LRRK1: variants seen among roughly 807,000 people sequenced by gnomAD.
The protein encoded by LRRK1 is leucine rich repeat kinase 1, also known as leucine-rich repeat serine/threonine-protein kinase 1.
A neutral mutation model predicts 209.1 loss-of-function variants in LRRK1; 113 were observed. That is an observed-to-expected ratio of 0.54 (90% CI 0.46 to 0.63). The LOEUF is 0.63. Among genes scored for constraint, LRRK1 ranks in the 30% least tolerant of loss-of-function variants. LRRK1 has a pLI of 0.00. For missense variants in LRRK1, 2,284 were observed against 2,632.2 expected, an observed-to-expected ratio of 0.87 and a Z score of 2.89; for synonymous variants, 1,144 against 1,099.7, an observed-to-expected ratio of 1.04 and a Z score of -0.80.
At chr15:100,940,914 T>A (rs1046906727) in intron 2 of LRRK1, among the ~76,000 whole-genome samples, 3 of 152,248 alleles carry the variant, frequency 2.0e-5, no homozygotes, top group Non-Finnish European at 4.4e-5. Context: ...TGCAGCAAGA[T>A]GTGCAGGCCC....
Position 101,049,738 on chromosome 15 carries a change from T to C in LRRK1, c.3394T>C (p.Phe1132Leu). 1 of 1,614,048 alleles carries C rather than the reference T, an allele frequency of 6.2e-7. No homozygotes were observed. Among genetic ancestry groups the C allele is most frequent in the African/African-American group, 1.3e-5 (1 of 75,030 alleles). The part of the protein sequence containing the change: ...SEVRDFSAMA[F>L]ITDHVNSLID... ...AGTGAGGGACTTCTCAGCCATGGCT[T>C]TCATCACGGACCACGTCAATTCCTT... The change falls in exon 23 of 34, where the codon TTC (phenylalanine) becomes CTC (leucine). Residue 1132 changes from phenylalanine to leucine, a missense_variant. By Grantham distance (22) the Phe-to-Leu change is conservative. Coordinates refer to ENST00000388948, the MANE Select transcript of LRRK1 (RefSeq NM_024652.6).
At position 101,069,797 on chromosome 15, in the gene LRRK1, A is replaced by T. The variant is rs1044096005; in HGVS notation, c.*949A>T. The T allele has an allele frequency of 6.6e-6, 1 of 152,650 alleles. No homozygotes were observed. Among genetic ancestry groups the T allele is most frequent in the Non-Finnish European group, 1.5e-5 (1 of 68,054 alleles). The allele number at this position is 152,650 out of a possible 1,614,324, so 9.5% of individuals were successfully genotyped here. The stretch of plus-strand genomic sequence containing the variant: ...TGCTAAACATTCACTGCACACGTGT[A>T]CAGCGGAGTACGAAAAGGAACGTTG... On this transcript the variant is annotated 3_prime_UTR_variant, in exon 34 of 34. Coordinates refer to ENST00000388948, the MANE Select transcript of LRRK1 (RefSeq NM_024652.6).
chr15:100,973,633 G>C (rs753289792), intron 2 of LRRK1, among the ~76,000 whole-genome samples, 171 bp from the exon 3 acceptor site: 3 of 152,182 alleles, frequency 2.0e-5, no homozygotes, highest in Non-Finnish European at 2.9e-5. Flanking sequence ...TTGGGTTGCG[G>C]GTCGCGGGGC....
intron 2 of LRRK1, among the ~76,000 whole-genome samples, chr15:100,956,455 C>CTTTTTCTTTTCTT: frequency 0.013 from 811 of 60,462 alleles, 7 homozygotes; most frequent in East Asian, 0.028. Flanking sequence ...TTTTTTTTTT[C>CTTTTTCTTTTCTT]TTTTTTTTTT....
chr15:101,048,411 C>A, intron 21 of LRRK1, 83 bp from the exon 22 acceptor site: 2 of 1,270,280 alleles, frequency 1.6e-6, no homozygotes, highest in Non-Finnish European at 2.2e-6. Flanking sequence ...CAAGATGGGG[C>A]CCAGCCCGGC....
chr15:101,034,306 G>C (rs774755617), intron 20 of LRRK1, among the ~76,000 whole-genome samples: 28 of 152,028 alleles, frequency 1.8e-4, no homozygotes, highest in Admixed American at 3.3e-4. Flanking sequence ...GTGTTTTCGA[G>C]GTCTTAGCCA....
rs2035708770 is a variant in LRRK1 at position 101,054,963 on chromosome 15, C to T, written c.4072C>T (p.Leu1358=). ...TTTGCAAGATTCTTCCTTTATACCCCTGGGACACATGCTCACCCAAAAAAT... is the reference window on the plus strand; with the variant it reads ...TTTGCAAGATTCTTCCTTTATACCCTTGGGACACATGCTCACCCAAAAAAT... ...ENARDSSFIP[L]GHMLTQKIAY... The change falls in exon 27 of 34, where the codon CTG becomes TTG. Residue 1358 remains leucine, a synonymous_variant. Coordinates refer to ENST00000388948, the MANE Select transcript of LRRK1 (RefSeq NM_024652.6). 6.2e-7 allele frequency: 1 copy of T among 1,611,802 alleles called. No individual in the cohort carries two copies. Among genetic ancestry groups the T allele is most frequent in the South Asian group, 1.1e-5 (1 of 90,776 alleles).
chr15:100,999,436 C>A (rs1156871433), intron 6 of LRRK1, among the ~76,000 whole-genome samples: 2 of 152,170 alleles, frequency 1.3e-5, no homozygotes, highest in East Asian at 3.9e-4. Flanking sequence ...TACTGTCACG[C>A]CCTTGTCTTT....
intron 10 of LRRK1, among the ~76,000 whole-genome samples, chr15:101,013,304 A>C (rs1355432894): frequency 6.6e-6 from 1 of 152,170 alleles, no homozygotes; most frequent in Non-Finnish European, 1.5e-5. Context: ...AAGCACCAGG[A>C]GGAGAGAATT....
At chr15:100,979,468 A>G (rs1260817693) in intron 3 of LRRK1, among the ~76,000 whole-genome samples, 2 of 152,212 alleles carry the variant, frequency 1.3e-5, no homozygotes, top group Non-Finnish European at 2.9e-5. Context: ...AATGAAATAA[A>G]AGGCACACAG....
chr15:101,058,131 G>A lies in LRRK1; in HGVS notation c.4669G>A (p.Glu1557Lys). 4.3e-6 allele frequency: 7 copies of A among 1,614,144 alleles called. No individual in the cohort carries two copies. The South Asian group carries it at 7.7e-5, about 18-fold the overall frequency. The change falls in exon 29 of 34, where the codon GAG (glutamate) becomes AAG (lysine). Residue 1557 changes from glutamate (E) to lysine (K), a missense_variant. This residue lies in a region of LRRK1 where 643 missense variants were observed against 695.9 expected (regional missense o/e 0.92). Transcript: ENST00000388948. ...CACCGTGGTGTTTTGGGATGGAAAA[G>A]AGGAGTCCAGGTAAGCTCCTGCGGG... ...EYTVVFWDGKEESRNYTVVNT... is the reference protein window; with the variant it reads ...EYTVVFWDGKKESRNYTVVNT...
chr15:101,025,995 G>A lies in LRRK1; in HGVS notation c.2263G>A (p.Val755Ile). The A allele has an allele frequency of 6.2e-7, 1 of 1,614,240 alleles. No homozygotes were observed. The highest frequency in any genetic ancestry group is 1.3e-5 in the African/African-American group (1 of 75,076). Reference protein sequence around the residue: ...AKAPNAVVLVVGTHLDLIEAK... With the variant: ...AKAPNAVVLVIGTHLDLIEAK... ...GGCCCCAAACGCCGTGGTGCTGGTG[G>A]TCGGGACGCACCTGGATTTAATTGA... Residue 755 changes from valine to isoleucine, a missense_variant, in exon 17 of 34, where the codon GTC becomes ATC. Coordinates refer to ENST00000388948, the MANE Select transcript of LRRK1 (RefSeq NM_024652.6).
At chr15:100,948,117 C>T (rs1444360264) in intron 2 of LRRK1, among the ~76,000 whole-genome samples, 1 of 152,188 alleles carries the variant, frequency 6.6e-6, no homozygotes, top group Admixed American at 6.5e-5. Context: ...AATCTTAAAC[C>T]TCGTTCTCTC....
At chr15:100,993,855 A>G (rs1486227487) in intron 6 of LRRK1, among the ~76,000 whole-genome samples, 1 of 152,112 alleles carries the variant, frequency 6.6e-6, no homozygotes, top group Non-Finnish European at 1.5e-5. Flanking sequence ...CTGGTTTCCT[A>G]GTTTCTAAAG....
At position 101,010,196 on chromosome 15, in the gene LRRK1, C is replaced by T. The variant is rs1022060630; in HGVS notation, c.990-254C>T. Among the ~76,000 whole-genome samples, 7 of 152,282 alleles carry T rather than the reference C, an allele frequency of 4.6e-5. No homozygotes were observed. The South Asian group carries it at 6.2e-4, about 14-fold the overall frequency. ...TACTCATTTTGCTATTACATGCCTGCGAAGGATTCGAATCCCTGTTGGTCA... is the reference window on the plus strand; with the variant it reads ...TACTCATTTTGCTATTACATGCCTGTGAAGGATTCGAATCCCTGTTGGTCA... On this transcript the variant is annotated intron_variant, in intron 7 of 33. Coordinates refer to ENST00000388948, the MANE Select transcript of LRRK1 (RefSeq NM_024652.6).
At chr15:100,998,517 C>T (rs968287534) in intron 6 of LRRK1, among the ~76,000 whole-genome samples, 6 of 152,034 alleles carry the variant, frequency 3.9e-5, no homozygotes, top group Non-Finnish European at 7.3e-5. Context: ...AATTTCTCCA[C>T]ATGACTAGAA....
At position 101,077,956 on chromosome 15, in the gene LRRK1, C is replaced by T. The variant is rs2037038353; in HGVS notation, c.*9108C>T. On this transcript the variant is annotated 3_prime_UTR_variant, in exon 34 of 34. Coordinates refer to ENST00000388948, the MANE Select transcript of LRRK1 (RefSeq NM_024652.6). ...CAAAAGAAGTGAATATGCCCTGCCCCACCTTAACTGATGACATTCCACCAC... is the reference window on the plus strand; with the variant it reads ...CAAAAGAAGTGAATATGCCCTGCCCTACCTTAACTGATGACATTCCACCAC... The T allele has an allele frequency of 2.0e-5, 3 of 153,164 alleles. No homozygotes were observed. Among genetic ancestry groups the T allele is most frequent in the Admixed American group, 6.5e-5 (1 of 15,294 alleles). 9.5% of individuals were successfully genotyped at this position (153,164 alleles called of 1,614,324 possible).
rs1486182609 is a variant in LRRK1 at position 101,031,732 on chromosome 15, C to T, written c.2963+2500C>T. On this transcript the variant is annotated intron_variant, in intron 20 of 33. Transcript: ENST00000388948. ...AAGAGACTGTACACTCCATTTCCTC[C>T]CCACTATTTTTTTTTTTTTTGAGAT... Among the ~76,000 whole-genome samples the T allele has an allele frequency of 3.4e-5, 5 of 146,728 alleles. No individual in the cohort carries two copies. In the Admixed American group the frequency reaches 3.5e-4, roughly 10 times the overall value.
In LRRK1 at chr15:100,983,694, T is replaced by G; in HGVS notation, c.428T>G (p.Leu143Ter). Residue 143 changes from leucine (L) to a stop codon, truncating the protein, a stop_gained, in exon 4 of 34, where the codon TTA (leucine) becomes TGA (stop). Transcript: ENST00000388948. LOFTEE classifies it high-confidence loss of function. The part of the protein sequence containing the change: ...TAVVQELLES[L>*]PGPCSPQRLL... ...GTTGTGCAGGAATTGCTTGAGTCCT[T>G]ACCAGGTAAATCACAGGGCATGAGC... 6.2e-7 allele frequency: 1 copy of G among 1,609,476 alleles called. No homozygotes were observed. The highest frequency in any genetic ancestry group is 1.3e-5 in the African/African-American group (1 of 74,830).
Sources: gnomAD v4.1 joint callset for allele counts (sites outside exome capture counted in the v4.1 genomes callset) on GRCh38, gnomAD v4.1.1 for gene constraint, gnomAD v4.1.1 regional missense constraint, MANE v1.5 for transcripts, NCBI Gene and HGNC (gene_info 2026-07-23, HGNC 2026-07-21) for gene names.